Variants in LRRC8B observed in about 807,000 individuals in gnomAD.
LRRC8B encodes leucine rich repeat containing 8 VRAC subunit B, also known as volume-regulated anion channel subunit LRRC8B.
LRRC8B carries 23 observed loss-of-function variants against 58.8 expected under a neutral mutation model. The observed-to-expected ratio is 0.39, with a 90% CI of 0.28 to 0.55. The LOEUF is 0.55. Among genes scored for constraint, LRRC8B ranks in the 20% least tolerant of loss-of-function variants. LRRC8B has a pLI of 0.62. For missense variants in LRRC8B, 694 were observed against 936.0 expected (o/e 0.74, Z 3.37); for synonymous variants, 359 against 374.1 (o/e 0.96, Z 0.47).
At chr1:89,555,061 C>T (rs912240487) in intron 1 of LRRC8B, among the ~76,000 whole-genome samples, 4 of 152,116 alleles carry the variant, frequency 2.6e-5, no homozygotes, top group Non-Finnish European at 5.9e-5. Flanking sequence ...TTCCAGAGGG[C>T]CCATGTTTCT....
intron 1 of LRRC8B, among the ~76,000 whole-genome samples, chr1:89,538,857 A>C (rs1650739461): frequency 6.6e-6 from 1 of 152,082 alleles, no homozygotes; most frequent in African/African-American, 2.4e-5. Context: ...AGTAGCTGGG[A>C]CTACAGGCAC....
At chr1:89,526,049 A>C (rs941039625) in intron 1 of LRRC8B, among the ~76,000 whole-genome samples, 1 of 152,212 alleles carries the variant, frequency 6.6e-6, no homozygotes, top group African/African-American at 2.4e-5. Context: ...ACACCCCAGA[A>C]ATCTTAAAAC....
At chr1:89,573,451 C>T (rs1207024754) in intron 3 of LRRC8B, among the ~76,000 whole-genome samples, 1 of 151,752 alleles carries the variant, frequency 6.6e-6, no homozygotes, top group Non-Finnish European at 1.5e-5. Context: ...TAACTTTCTC[C>T]AAGGGCTTCT....
chr1:89,536,470 C>T (rs1363795805), intron 1 of LRRC8B, among the ~76,000 whole-genome samples: 4 of 152,168 alleles, frequency 2.6e-5, no homozygotes, highest in African/African-American at 9.7e-5. Flanking sequence ...GTGCATGGCT[C>T]TTAGCAGGCC....
Position 89,597,233 on chromosome 1 carries a change from A to G in LRRC8B, c.*4190A>G, listed in dbSNP as rs1655342689. 6.6e-6 allele frequency: 1 copy of G among 152,212 alleles called. No individual in the cohort carries two copies. The highest frequency in any genetic ancestry group is 1.5e-5 in the Non-Finnish European group (1 of 68,032). The allele number at this position is 152,212 out of a possible 1,614,324, so 9.4% of individuals were successfully genotyped here. A position where few individuals can be genotyped will look rare whatever the true frequency, so the allele number is the denominator to read the frequency against. On this transcript the variant is annotated 3_prime_UTR_variant, in exon 6 of 6. Transcript: ENST00000330947. ...GCTACATTCTCTTCAGATTTTTTAT[A>G]TGAATAATTTCATCAGCACTAAAGC...
rs1013770524 is a variant in LRRC8B at position 89,595,836 on chromosome 1, T to C, written c.*2793T>C. The C allele has an allele frequency of 6.6e-6, 1 of 152,116 alleles. No homozygotes were observed. The highest frequency in any genetic ancestry group is 1.5e-5 in the Non-Finnish European group (1 of 67,962). 9.4% of individuals were successfully genotyped at this position (152,116 alleles called of 1,614,324 possible). On this transcript the variant is annotated 3_prime_UTR_variant, in exon 6 of 6. Transcript: ENST00000330947. ...CATATTCACATAAGAGAATTTTAAA[T>C]GAAGAAAATTAAGTTTGTTAAATTA... is the stretch of plus-strand genomic sequence containing the variant.
rs187453595 is a variant in LRRC8B, at chr1:89,544,541, A to T, written c.-241+19519A>T. ...GGCCTAGATTATTCAGAGTTTTACA[A>T]AATTTAAGCCTTTTCTCCAATGCCT... On this transcript the variant is annotated intron_variant, in intron 1 of 5. Coordinates refer to ENST00000330947, the MANE Select transcript of LRRC8B (RefSeq NM_001369817.2). 1.8e-4 allele frequency among the ~76,000 whole-genome samples: 27 copies of T among 152,326 alleles called. No homozygotes were observed. The East Asian group carries it at 4.8e-3, about 27-fold the overall frequency.
At chr1:89,575,105 C>A (rs1042709751) in intron 3 of LRRC8B, among the ~76,000 whole-genome samples, 1 of 152,122 alleles carries the variant, frequency 6.6e-6, no homozygotes, top group Admixed American at 6.5e-5. Flanking sequence ...GTGTGCTTTC[C>A]ATGTAAGAGG....
intron 5 of LRRC8B, among the ~76,000 whole-genome samples, chr1:89,589,349 G>A (rs975994819): frequency 5.9e-5 from 9 of 152,146 alleles, no homozygotes; most frequent in Admixed American, 6.5e-5. Flanking sequence ...GATTCCACAT[G>A]GGGTACAGTG....
rs375579172 is a variant in LRRC8B, at chr1:89,593,199, A to G, written c.*156A>G. ...AGACCAGTCTGGCCAACCTGGTGAA[A>G]CCCCATCTCTGCTAAAACTACAAAA... On this transcript the variant is annotated 3_prime_UTR_variant, in exon 6 of 6. Transcript: ENST00000330947. 1 of 660,206 alleles carries G rather than the reference A, an allele frequency of 1.5e-6. No homozygotes were observed. The highest frequency in any genetic ancestry group is 1.8e-5 in the African/African-American group (1 of 55,014). The allele number at this position is 660,206 out of a possible 1,614,324, so 40.9% of individuals were successfully genotyped here.
intron 3 of LRRC8B, among the ~76,000 whole-genome samples, chr1:89,578,930 T>C (rs962186675): frequency 6.6e-6 from 1 of 152,186 alleles, no homozygotes; most frequent in African/African-American, 2.4e-5. Flanking sequence ...AAATCTAATA[T>C]AAAGCCTAAG....
chr1:89,555,701 C>A (rs1164232628), intron 1 of LRRC8B, among the ~76,000 whole-genome samples: 1 of 152,198 alleles, frequency 6.6e-6, no homozygotes, highest in Non-Finnish European at 1.5e-5. Flanking sequence ...CTTTCTTAGT[C>A]ATTGACTCAG....
chr1:89,545,223 A>G (rs1379180664), intron 1 of LRRC8B, among the ~76,000 whole-genome samples: 1 of 152,196 alleles, frequency 6.6e-6, no homozygotes, highest in Non-Finnish European at 1.5e-5. Context: ...ATTCAAACCA[A>G]TAGCTCTTCT....
Position 89,593,540 on chromosome 1 carries a change from T to C in LRRC8B, c.*497T>C, listed in dbSNP as rs1655128833. Reference sequence around the variant, plus strand: ...TTAACCAGGTAAAAACTGTTAACACTAACCTGAAGTTTTGTGAATAACTGT... The same window carrying C: ...TTAACCAGGTAAAAACTGTTAACACCAACCTGAAGTTTTGTGAATAACTGT... On this transcript the variant is annotated 3_prime_UTR_variant, in exon 6 of 6. Transcript: ENST00000330947. 6.5e-6 allele frequency: 1 copy of C among 153,098 alleles called. No homozygotes were observed. Among genetic ancestry groups the C allele is most frequent in the African/African-American group, 2.4e-5 (1 of 41,460 alleles). 9.5% of individuals were successfully genotyped at this position (153,098 alleles called of 1,614,324 possible).
chr1:89,578,918 ACAAAT>A (rs1220954530), intron 3 of LRRC8B, among the ~76,000 whole-genome samples: 2 of 152,210 alleles, frequency 1.3e-5, no homozygotes, highest in Non-Finnish European at 2.9e-5. Flanking sequence ...TCTAAATTAA[ACAAAT>A]CTAATATAAA....
At chr1:89,551,727 G>A (rs886114254) in intron 1 of LRRC8B, among the ~76,000 whole-genome samples, 5 of 152,092 alleles carry the variant, frequency 3.3e-5, no homozygotes, top group Admixed American at 1.3e-4. Flanking sequence ...CAAAGAAAAC[G>A]GGACTGACTA....
chr1:89,573,806 G>A (rs1653638593), intron 3 of LRRC8B, among the ~76,000 whole-genome samples: 2 of 152,066 alleles, frequency 1.3e-5, no homozygotes, highest in African/African-American at 4.8e-5. Context: ...CATTTCTGTG[G>A]CACTGACCAC....
chr1:89,527,686 A>G (rs1649808351), intron 1 of LRRC8B, among the ~76,000 whole-genome samples: 1 of 152,186 alleles, frequency 6.6e-6, no homozygotes, highest in South Asian at 2.1e-4. Context: ...TGCCTTTATT[A>G]TGACTTAATT....
chr1:89,548,728 GATCATT>G (rs1651591352), intron 1 of LRRC8B, among the ~76,000 whole-genome samples: 1 of 152,140 alleles, frequency 6.6e-6, no homozygotes, highest in Admixed American at 6.5e-5. Flanking sequence ...GTAGGAGAAA[GATCATT>G]ATAACTTCTC....
Sources: gnomAD v4.1 joint callset for allele counts (sites outside exome capture counted in the v4.1 genomes callset) on GRCh38, gnomAD v4.1.1 for gene constraint, MANE v1.5 for transcripts, NCBI Gene and HGNC (gene_info 2026-07-23, HGNC 2026-07-21) for gene names.